Variants in UNC5D observed in about 807,000 individuals in gnomAD.
UNC5D encodes unc-5 netrin receptor D.
Under a neutral mutation model 105.4 loss-of-function variants are expected in UNC5D, and 39 were observed. That is an observed-to-expected ratio of 0.37 (90% CI 0.29 to 0.48). The LOEUF (loss-of-function observed/expected upper bound fraction) is 0.48. Among genes scored for constraint, UNC5D ranks in the 20% least tolerant of loss-of-function variants. The pLI is 0.98. For missense variants in UNC5D, 991 were observed against 1,202.4 expected (o/e 0.82, Z 2.60); for synonymous variants, 452 against 450.4 (o/e 1.00, Z -0.04).
chr8:35,617,484 T>C (rs1004388065), intron 4 of UNC5D, among the ~76,000 whole-genome samples: 1 of 152,216 alleles, frequency 6.6e-6, no homozygotes, highest in African/African-American at 2.4e-5. Context: ...GAATCCTAGA[T>C]GGCCTCTTTC....
chr8:35,275,107 A>G (rs1279362839), intron 1 of UNC5D, among the ~76,000 whole-genome samples: 4 of 150,812 alleles, frequency 2.7e-5, no homozygotes, highest in East Asian at 1.9e-4. Context: ...AGAAAACAAA[A>G]CAACAACAAA....
chr8:35,246,167 G>A (rs745953952), intron 1 of UNC5D, among the ~76,000 whole-genome samples: 13 of 152,094 alleles, frequency 8.5e-5, no homozygotes, highest in Non-Finnish European at 1.5e-4. Context: ...TTGTCATTAA[G>A]GCTCCTTCCT....
At chr8:35,461,814 T>C (rs1808914850) in intron 1 of UNC5D, among the ~76,000 whole-genome samples, 1 of 152,206 alleles carries the variant, frequency 6.6e-6, no homozygotes, top group South Asian at 2.1e-4. Context: ...ACTGTGGATC[T>C]GTGATAAGAA....
At chr8:35,469,242 G>T (rs966963621) in intron 1 of UNC5D, among the ~76,000 whole-genome samples, 1 of 152,178 alleles carries the variant, frequency 6.6e-6, no homozygotes, top group African/African-American at 2.4e-5. Flanking sequence ...ATAGATTTAA[G>T]CTTAGACAGC....
intron 1 of UNC5D, chr8:35,544,595 GTTTT>G (rs775831187): frequency 7.7e-3 from 4,390 of 569,260 alleles, no homozygotes; most frequent in East Asian, 0.014. Flanking sequence ...TTTCGTTTTC[GTTTT>G]TTTTTTTTTT....
At chr8:35,453,822 C>T (rs1808319738) in intron 1 of UNC5D, among the ~76,000 whole-genome samples, 1 of 152,126 alleles carries the variant, frequency 6.6e-6, no homozygotes, top group Admixed American at 6.5e-5. Flanking sequence ...CCTACCAGGA[C>T]ATTCCTCATC....
chr8:35,664,399 C>G (rs886519961), intron 4 of UNC5D, among the ~76,000 whole-genome samples: 14 of 152,108 alleles, frequency 9.2e-5, no homozygotes, highest in African/African-American at 2.7e-4. Context: ...TGAGATGGAG[C>G]CTTTCTTGCT....
chr8:35,778,382 G>A (rs954373795), intron 16 of UNC5D, among the ~76,000 whole-genome samples: 1 of 152,176 alleles, frequency 6.6e-6, no homozygotes, highest in East Asian at 1.9e-4. Flanking sequence ...TTTTTTGGAT[G>A]TAATCTGTCA....
chr8:35,544,961 CAT>C (rs1046874494), intron 1 of UNC5D, among the ~76,000 whole-genome samples: 4 of 152,158 alleles, frequency 2.6e-5, no homozygotes, highest in South Asian at 2.1e-4. Context: ...GTTTACGACT[CAT>C]GTGCTAAACC....
At chr8:35,384,426 T>A (rs1257718320) in intron 1 of UNC5D, among the ~76,000 whole-genome samples, 1 of 152,148 alleles carries the variant, frequency 6.6e-6, no homozygotes, top group South Asian at 2.1e-4. Flanking sequence ...TGTTGCAGTA[T>A]CTCTCCTCTC....
chr8:35,535,706 A>G (rs961808361), intron 1 of UNC5D, among the ~76,000 whole-genome samples: 1 of 151,962 alleles, frequency 6.6e-6, no homozygotes, highest in Admixed American at 6.6e-5. Flanking sequence ...TTGCTCTAGC[A>G]GTTTCTCCCT....
intron 1 of UNC5D, among the ~76,000 whole-genome samples, chr8:35,373,027 G>A (rs1165788926): frequency 1.3e-5 from 2 of 152,188 alleles, no homozygotes; most frequent in African/African-American, 4.8e-5. Flanking sequence ...TGGGGGCCAT[G>A]TAAATGGAAT....
intron 4 of UNC5D, among the ~76,000 whole-genome samples, chr8:35,645,189 C>T (rs1006878533): frequency 1.3e-5 from 2 of 152,104 alleles, no homozygotes; most frequent in African/African-American, 4.8e-5. Context: ...ATATGTGTCT[C>T]TTTCAGGTAC....
At chr8:35,387,593 A>G (rs6991712) in intron 1 of UNC5D, among the ~76,000 whole-genome samples, 2,787 of 152,230 alleles carry the variant, frequency 0.018, 100 homozygotes, top group African/African-American at 0.065. Context: ...CAGAGTTGAG[A>G]TTCAGAATGG....
intron 1 of UNC5D, among the ~76,000 whole-genome samples, chr8:35,351,667 A>G (rs1269363336): frequency 1.3e-5 from 2 of 152,082 alleles, no homozygotes; most frequent in Non-Finnish European, 2.9e-5. Flanking sequence ...TTAAAAAAGA[A>G]ATTTTCTAAT....
intron 1 of UNC5D, among the ~76,000 whole-genome samples, chr8:35,251,593 A>G (rs1195116225): frequency 1.3e-5 from 2 of 152,168 alleles, no homozygotes; most frequent in Non-Finnish European, 2.9e-5. Context: ...TATTAATAAA[A>G]CTAATGTGAT....
At chr8:35,291,342 A>G (rs913166038) in intron 1 of UNC5D, among the ~76,000 whole-genome samples, 1 of 152,234 alleles carries the variant, frequency 6.6e-6, no homozygotes, top group Admixed American at 6.5e-5. Flanking sequence ...AACAATAAAA[A>G]GAGACAAGGA....
intron 4 of UNC5D, among the ~76,000 whole-genome samples, chr8:35,613,561 G>A (rs541959078): frequency 3.9e-5 from 6 of 152,270 alleles, no homozygotes; most frequent in African/African-American, 1.4e-4. Flanking sequence ...TTTGTTGTTT[G>A]CAGTGAAGAA....
intron 1 of UNC5D, among the ~76,000 whole-genome samples, chr8:35,297,493 G>A (rs932793571): frequency 2.0e-5 from 3 of 152,096 alleles, no homozygotes; most frequent in South Asian, 4.1e-4. Flanking sequence ...CACATCTATT[G>A]ATGATATTGT....
Sources: allele counts gnomAD v4.1 joint callset (sites outside exome capture counted in the v4.1 genomes callset), GRCh38; gene constraint gnomAD v4.1.1; transcripts MANE v1.5; gene names NCBI Gene and HGNC (gene_info 2026-07-23, HGNC 2026-07-21).